EDRF1: variants seen among roughly 807,000 people sequenced by gnomAD.
EDRF1 encodes the protein erythroid differentiation-related factor 1.
In EDRF1, 69 loss-of-function variants were observed where a neutral mutation model predicts 148.7. That is an observed-to-expected ratio of 0.46 (90% confidence interval 0.38 to 0.57). The LOEUF is 0.57. Among genes scored for constraint, EDRF1 ranks in the 20% least tolerant of loss-of-function variants. The pLI, the probability that EDRF1 is intolerant of heterozygous loss-of-function variation, is 0.00. For synonymous variants in EDRF1, 515 were observed against 532.8 expected (o/e 0.97, Z 0.46); for missense variants, 1,118 against 1,478.7 (o/e 0.76, Z 4.00).
chr10:125,749,116 G>A (rs1354643940), intron 21 of EDRF1: 17 of 411,414 alleles, frequency 4.1e-5, no homozygotes, highest in Admixed American at 7.3e-5. Context: ...CAGTAGTGGC[G>A]GGTGCCTGTA....
intron 9 of EDRF1, 37 bp downstream of exon 9, chr10:125,730,436 C>G (rs757118280): frequency 2.6e-6 from 4 of 1,524,524 alleles, no homozygotes; most frequent in Admixed American, 1.7e-5. Flanking sequence ...CTCTCAAATG[C>G]AAATTGGTAC....
chr10:125,721,488 T>G, intron 2 of EDRF1, 76 bp downstream of exon 2: 2 of 1,318,486 alleles, frequency 1.5e-6, no homozygotes, highest in East Asian at 4.7e-5. Context: ...TAAATTCAGT[T>G]TGTAATGCCT....
chr10:125,753,048 AT>A (rs1207161783), intron 23 of EDRF1, 134 bp downstream of exon 23: 1 of 673,662 alleles, frequency 1.5e-6, no homozygotes, highest in Non-Finnish European at 2.7e-6. Context: ...GCACTAAAAC[AT>A]TTTAACAGTG....
At chr10:125,751,088 A>C (rs1262577381) in intron 22 of EDRF1, among the ~76,000 whole-genome samples, 2 of 152,102 alleles carry the variant, frequency 1.3e-5, no homozygotes, top group African/African-American at 4.8e-5. Flanking sequence ...AGCTGAGATC[A>C]CAAGTGCTAA....
intron 5 of EDRF1, 27 bp from the exon 6 acceptor site, chr10:125,725,655 A>G (rs1848223422): frequency 1.5e-5 from 25 of 1,613,906 alleles, no homozygotes; most frequent in Non-Finnish European, 2.0e-5. Context: ...AGTAACAGCA[A>G]TCCTTTTTTA....
chr10:125,722,437 C>T (rs772909132), intron 2 of EDRF1, among the ~76,000 whole-genome samples: 3 of 152,110 alleles, frequency 2.0e-5, no homozygotes, highest in Non-Finnish European at 4.4e-5. Context: ...GTTAGGTAGT[C>T]CTTGGTAAGT....
At chr10:125,759,325 A>G (rs1850075880) in intron 24 of EDRF1, among the ~76,000 whole-genome samples, 1 of 152,184 alleles carries the variant, frequency 6.6e-6, no homozygotes, top group East Asian at 1.9e-4. Context: ...CTCTCCCTGT[A>G]TCAGCCTGTC....
chr10:125,735,257 T>G lies in EDRF1; in HGVS notation c.1498-387T>G, dbSNP rs143967640. On this transcript the variant is annotated intron_variant, in intron 12 of 24. Transcript: ENST00000356792. Reference sequence around the variant, plus strand: ...ATTAGTTACCTATTATAGAGAAACTTGAATTAATTTATAGTTTGTAAAGAA... The same window carrying G: ...ATTAGTTACCTATTATAGAGAAACTGGAATTAATTTATAGTTTGTAAAGAA... Among the ~76,000 whole-genome samples, 4 of 152,252 alleles carry G rather than the reference T, an allele frequency of 2.6e-5. No homozygotes were observed. In the East Asian group the frequency reaches 7.7e-4, roughly 29 times the overall value.
intron 20 of EDRF1, 72 bp from the exon 21 acceptor site, chr10:125,747,791 T>C: frequency 6.2e-7 from 1 of 1,610,370 alleles, no homozygotes; most frequent in South Asian, 1.1e-5. Context: ...ATAAGCAGTA[T>C]TTAAACGTTT....
intron 17 of EDRF1, chr10:125,742,342 G>T (rs1174985859): frequency 8.0e-7 from 1 of 1,257,568 alleles, no homozygotes; most frequent in African/African-American, 1.5e-5. Flanking sequence ...TGAGTCTTCT[G>T]AAGGTGCTTC....
chr10:125,732,947 A>G (rs956835810), intron 9 of EDRF1, among the ~76,000 whole-genome samples: 1 of 152,162 alleles, frequency 6.6e-6, no homozygotes, highest in African/African-American at 2.4e-5. Context: ...GTCTACTGGA[A>G]AATTTCCTAA....
chr10:125,748,187 T>A, intron 21 of EDRF1, 175 bp downstream of exon 21: 2 of 732,836 alleles, frequency 2.7e-6, no homozygotes, highest in South Asian at 3.2e-5. Context: ...TTAAACAATA[T>A]GTCCGCATTG....
In EDRF1 at chr10:125,753,743, A is replaced by G. The variant is rs199695348; in HGVS notation, c.3443A>G (p.Asn1148Ser). 23 of 1,613,710 alleles carry G rather than the reference A, an allele frequency of 1.4e-5. No homozygotes were observed. Among genetic ancestry groups the G allele is most frequent in the African/African-American group, 5.3e-5 (4 of 74,796 alleles). The stretch of plus-strand genomic sequence containing the variant: ...GCTGCTGATGCTTCTCCTAGTCTCA[A>G]TCGAGAAGAAGTGATGAAACTCCTC... ...AAAADASPSL[N>S]REEVMKLLSI... Residue 1148 changes from asparagine (N) to serine (S), a missense_variant, in exon 24 of 25, where the codon AAT becomes AGT. By Grantham distance (46) the Asn-to-Ser change is conservative. Coordinates refer to ENST00000356792, the MANE Select transcript of EDRF1 (RefSeq NM_001202438.2).
chr10:125,738,549 A>C, intron 15 of EDRF1, 104 bp downstream of exon 15: 1 of 1,349,684 alleles, frequency 7.4e-7, no homozygotes, highest in Non-Finnish European at 1.0e-6. Flanking sequence ...AAAGGCATTG[A>C]GAAAAAGATA....
rs141738339 is a variant in EDRF1, at chr10:125,722,781, G to A, written c.318-287G>A. 1.1e-3 allele frequency among the ~76,000 whole-genome samples: 172 copies of A among 152,062 alleles called. 2 individuals are homozygous for A. The highest frequency in any genetic ancestry group is 0.01 in the South Asian group (49 of 4,830). ...TGAGTTTTGTGATTACAAAAATAAA[G>A]AATAATTGTTTTTATTCTAAATATT... On this transcript the variant is annotated intron_variant, in intron 2 of 24. Transcript: ENST00000356792.
intron 21 of EDRF1, 117 bp downstream of exon 21, chr10:125,748,129 T>G: frequency 7.9e-7 from 1 of 1,262,794 alleles, no homozygotes; most frequent in Non-Finnish European, 1.1e-6. Context: ...GGTGAACTGC[T>G]GTCCTAAATT....
intron 22 of EDRF1, chr10:125,752,180 C>G (rs572515853): frequency 1.3e-5 from 2 of 152,634 alleles, no homozygotes; most frequent in African/African-American, 2.4e-5. Flanking sequence ...GCGTTCTTAC[C>G]GGGCAGGACA....
At chr10:125,736,016 C>A in intron 13 of EDRF1, 112 bp downstream of exon 13, 1 of 1,042,008 alleles carries the variant, frequency 9.6e-7, no homozygotes, top group Non-Finnish European at 1.4e-6. Context: ...CATGGTCTAG[C>A]ATCTAGTAAT....
At chr10:125,721,874 C>T (rs1397901506) in intron 2 of EDRF1, among the ~76,000 whole-genome samples, 4 of 152,172 alleles carry the variant, frequency 2.6e-5, no homozygotes, top group African/African-American at 9.7e-5. Flanking sequence ...GACTTTGACA[C>T]CAGAACTGAT....
Sources: allele counts gnomAD v4.1 joint callset (sites outside exome capture counted in the v4.1 genomes callset), GRCh38; gene constraint gnomAD v4.1.1; transcripts MANE v1.5; gene names NCBI Gene and HGNC (gene_info 2026-07-23, HGNC 2026-07-21).